Variants in ADAMTS17 observed in about 807,000 individuals in gnomAD.
ADAMTS17 encodes ADAM metallopeptidase with thrombospondin type 1 motif 17.
Under a neutral mutation model 141.5 loss-of-function variants are expected in ADAMTS17, and 113 were observed. The ratio of observed to expected loss-of-function variants is 0.80; its 90% confidence interval spans 0.69 to 0.93. The LOEUF is 0.93. Ranked by LOEUF, ADAMTS17 falls within the 40% of genes least tolerant of loss-of-function variation. The pLI, the probability that ADAMTS17 is intolerant of heterozygous loss-of-function variation, is 0.00. For synonymous variants in ADAMTS17, 768 were observed against 630.6 expected (o/e 1.22, Z -3.27); for missense variants, 1,659 against 1,517.9 (o/e 1.09, Z -1.54).
chr15:100,338,653 C>T (rs1196034866), intron 2 of ADAMTS17, among the ~76,000 whole-genome samples: 1 of 151,932 alleles, frequency 6.6e-6, no homozygotes, highest in Non-Finnish European at 1.5e-5. Context: ...TTTTTAGATA[C>T]AAGGACACTT....
intron 14 of ADAMTS17, among the ~76,000 whole-genome samples, chr15:100,105,831 G>T (rs1390450162): frequency 6.6e-6 from 1 of 151,942 alleles, no homozygotes; most frequent in Non-Finnish European, 1.5e-5. Context: ...GGGATTACAG[G>T]CACCCATCAC....
At chr15:100,140,542 G>A (rs946064541) in intron 10 of ADAMTS17, among the ~76,000 whole-genome samples, 12 of 139,064 alleles carry the variant, frequency 8.6e-5, no homozygotes, top group Non-Finnish European at 1.9e-4. Context: ...TGAATGGGAT[G>A]AATACTTTCA....
chr15:100,191,126 T>C (rs139275650), intron 8 of ADAMTS17, among the ~76,000 whole-genome samples: 367 of 152,346 alleles, frequency 2.4e-3, no homozygotes, highest in African/African-American at 8.5e-3. Flanking sequence ...TCTGGTTATT[T>C]AGCCAAACTC....
chr15:100,135,596 T>C (rs1464575294), intron 10 of ADAMTS17, among the ~76,000 whole-genome samples: 1 of 152,164 alleles, frequency 6.6e-6, no homozygotes, highest in African/African-American at 2.4e-5. Context: ...ATTAACAACT[T>C]CTGTTTACCA....
At chr15:100,036,955 C>T (rs1053523437) in intron 18 of ADAMTS17, among the ~76,000 whole-genome samples, 1 of 152,186 alleles carries the variant, frequency 6.6e-6, no homozygotes, top group Non-Finnish European at 1.5e-5. Context: ...TGCATTTTGT[C>T]TATTCTTCAG....
intron 15 of ADAMTS17, among the ~76,000 whole-genome samples, chr15:100,086,635 T>C (rs151131124): frequency 6.6e-6 from 1 of 152,232 alleles, no homozygotes; most frequent in Non-Finnish European, 1.5e-5. Context: ...ACAGAAATTA[T>C]AACAAATTGT....
At chr15:100,082,442 G>A (rs1174212104) in intron 15 of ADAMTS17, among the ~76,000 whole-genome samples, 1 of 151,176 alleles carries the variant, frequency 6.6e-6, no homozygotes, top group Non-Finnish European at 1.5e-5. Flanking sequence ...GTGCAGTGGC[G>A]TGATCTCAGC....
At chr15:99,976,400 C>A (rs2060331512) in intron 20 of ADAMTS17, 178 bp from the exon 21 acceptor site, 1 of 827,026 alleles carries the variant, frequency 1.2e-6, no homozygotes, top group Admixed American at 2.0e-5. Flanking sequence ...CTGAGTGGGG[C>A]CTACACGAGG....
At chr15:100,208,882 C>T (rs1353975796) in intron 7 of ADAMTS17, among the ~76,000 whole-genome samples, 1 of 152,026 alleles carries the variant, frequency 6.6e-6, no homozygotes, top group African/African-American at 2.4e-5. Flanking sequence ...GTGTATTAGT[C>T]AAAGTCTGCT....
At chr15:100,206,311 G>A (rs1280140483) in intron 7 of ADAMTS17, among the ~76,000 whole-genome samples, 1 of 152,214 alleles carries the variant, frequency 6.6e-6, no homozygotes, top group African/African-American at 2.4e-5. Context: ...CCTGTGTGCA[G>A]GCTCCTGTGT....
In ADAMTS17 at chr15:100,152,705, G is replaced by A. The variant is rs770941181; in HGVS notation, c.1380C>T (p.Arg460=). ...GCATGCCCGGCAGCTTGTGCGGGAG[G>A]CGTACTGTGTGCTGGCTTCTGGGGT... The part of the protein sequence containing the change: ...VTDPRSQHTV[R]LPHKLPGMHY... Residue 460 remains arginine (R), a synonymous_variant, in exon 10 of 22, where the codon CGC becomes CGT. Transcript: ENST00000268070. 6.2e-7 allele frequency: 1 copy of A among 1,614,236 alleles called. No homozygotes were observed. Among genetic ancestry groups the A allele is most frequent in the South Asian group, 1.1e-5 (1 of 91,086 alleles).
intron 18 of ADAMTS17, among the ~76,000 whole-genome samples, chr15:100,016,103 C>T (rs1411700142): frequency 2.0e-5 from 3 of 152,188 alleles, no homozygotes; most frequent in Non-Finnish European, 4.4e-5. Context: ...AATTCAAAGA[C>T]CTGTCTTCGA....
In ADAMTS17 at chr15:99,974,271, C is replaced by T; in HGVS notation, c.*131G>A. On this transcript the variant is annotated 3_prime_UTR_variant, in exon 22 of 22. Coordinates refer to ENST00000268070, the MANE Select transcript of ADAMTS17 (RefSeq NM_139057.4). ...GAAGCACTAATGGCAAACGCCAAGT[C>T]CACGCTCATGTTCTATGTAGTTGGA... 8.2e-7 allele frequency: 1 copy of T among 1,215,370 alleles called. No homozygotes were observed. Among genetic ancestry groups the T allele is most frequent in the Non-Finnish European group, 1.2e-6 (1 of 836,740 alleles). The allele number at this position is 1,215,370 out of a possible 1,614,324, so 75.3% of individuals were successfully genotyped here.
Position 100,179,139 on chromosome 15 carries a change from C to A in ADAMTS17, c.1181+20179G>T, listed in dbSNP as rs567649665. Reference sequence around the variant, plus strand: ...TGTACATTTAAATTATAACTATAGCCCTGTTGTGGAACCAAATACTAGGTC... The same window carrying A: ...TGTACATTTAAATTATAACTATAGCACTGTTGTGGAACCAAATACTAGGTC... On this transcript the variant is annotated intron_variant, in intron 8 of 21. Transcript: ENST00000268070. Among the ~76,000 whole-genome samples, 5 of 152,174 alleles carry A rather than the reference C, an allele frequency of 3.3e-5. No individual in the cohort carries two copies. The South Asian group carries it at 1.0e-3, about 32-fold the overall frequency.
chr15:100,161,408 T>C (rs546643244), intron 8 of ADAMTS17, among the ~76,000 whole-genome samples: 2 of 151,926 alleles, frequency 1.3e-5, no homozygotes, highest in African/African-American at 4.8e-5. Flanking sequence ...CTTGGCTGAG[T>C]CTGTGGAATG....
intron 16 of ADAMTS17, among the ~76,000 whole-genome samples, chr15:100,052,311 C>A (rs1293580649): frequency 2.0e-5 from 3 of 152,218 alleles, no homozygotes; most frequent in Non-Finnish European, 2.9e-5. Flanking sequence ...AATGTGTACA[C>A]CCCAGTTTGG....
At chr15:100,001,993 C>CAAAAA (rs2060934929) in intron 18 of ADAMTS17, among the ~76,000 whole-genome samples, 5 of 22,388 alleles carry the variant, frequency 2.2e-4, no homozygotes, top group Middle Eastern at 0.019. Flanking sequence ...AAGGCCAAAC[C>CAAAAA]CAAAAAAAAA....
In ADAMTS17 at chr15:100,141,248, T is replaced by G. The variant is rs140414213; in HGVS notation, c.1474-7933A>C. Among the ~76,000 whole-genome samples, 194 of 152,292 alleles carry G rather than the reference T, an allele frequency of 1.3e-3. 1 individual carries two copies. The highest frequency in any genetic ancestry group is 4.5e-3 in the African/African-American group (189 of 41,556). ...GAGCGCTGTGAAAACGCGGGAAGGT[T>G]TGAGCTGCTCAGATGGCACCATTGC... On this transcript the variant is annotated intron_variant, in intron 10 of 21. Coordinates refer to ENST00000268070, the MANE Select transcript of ADAMTS17 (RefSeq NM_139057.4).
intron 15 of ADAMTS17, among the ~76,000 whole-genome samples, chr15:100,078,923 G>A (rs554103281): frequency 3.9e-4 from 60 of 152,140 alleles, no homozygotes; most frequent in Admixed American, 3.5e-3. Flanking sequence ...AGGCACTTCC[G>A]CAAAAAAGAT....
Sources: allele counts gnomAD v4.1 joint callset (sites outside exome capture counted in the v4.1 genomes callset), GRCh38; gene constraint gnomAD v4.1.1; transcripts MANE v1.5; gene names NCBI Gene and HGNC (gene_info 2026-07-23, HGNC 2026-07-21).